BICC1: variants seen among roughly 807,000 people sequenced by gnomAD.
The protein encoded by BICC1 is BicC family RNA binding protein 1.
In BICC1, 43 loss-of-function variants were observed where a neutral mutation model predicts 111.0. The observed-to-expected ratio is 0.39, with a 90% confidence interval of 0.30 to 0.50. The LOEUF is 0.50. BICC1 is among the 20% of genes least tolerant of loss of function. The pLI is 0.88. For synonymous variants in BICC1, 467 were observed against 434.4 expected (o/e 1.07, Z -0.93); for missense variants, 1,091 against 1,203.2 (o/e 0.91, Z 1.38).
Position 58,806,605 on chromosome 10 carries a change from A to T in BICC1, c.2203A>T (p.Lys735Ter). The T allele has an allele frequency of 6.2e-7, 1 of 1,612,616 alleles. No homozygotes were observed. Among genetic ancestry groups the T allele is most frequent in the Non-Finnish European group, 8.5e-7 (1 of 1,178,806 alleles). ...TCAGGCATTTGACTATGAACAGAAGAAGCTATTAGCCACCAAAGGTATGTA... is the reference window on the plus strand; with the variant it reads ...TCAGGCATTTGACTATGAACAGAAGTAGCTATTAGCCACCAAAGGTATGTA... ...NMQAFDYEQK[K>*]LLATKAMLKK... The change falls in exon 16 of 21, where the codon AAG becomes TAG. Residue 735 changes from lysine to a stop codon, truncating the protein, a stop_gained. Transcript: ENST00000373886. LOFTEE classifies it high-confidence loss of function.
At position 58,598,753 on chromosome 10, in the gene BICC1, A is replaced by G. The variant is rs186653319; in HGVS notation, c.191-22102A>G. On this transcript the variant is annotated intron_variant, in intron 1 of 20. Coordinates refer to ENST00000373886, the MANE Select transcript of BICC1 (RefSeq NM_001080512.3). ...GAATGGGAGAAAATTTTTACACTCT[A>G]TGCATTGACAAAGGGCTAATACTCA... Among the ~76,000 whole-genome samples, 730 of 152,274 alleles carry G rather than the reference A, an allele frequency of 4.8e-3. 3 individuals are homozygous for G. The highest frequency in any genetic ancestry group is 4.9e-3 in the Non-Finnish European group (336 of 68,014).
intron 2 of BICC1, among the ~76,000 whole-genome samples, chr10:58,637,830 T>C (rs1036775466): frequency 9.2e-5 from 14 of 152,148 alleles, no homozygotes; most frequent in African/African-American, 3.4e-4. Context: ...GCATAACTTA[T>C]AAATTGGGAC....
intron 2 of BICC1, among the ~76,000 whole-genome samples, chr10:58,647,334 AT>A (rs1838300097): frequency 1.3e-5 from 2 of 152,246 alleles, no homozygotes; most frequent in Non-Finnish European, 2.9e-5. Context: ...AATTTAGTTC[AT>A]AAAACATTGA....
chr10:58,775,102 G>A (rs1465924006), intron 3 of BICC1, among the ~76,000 whole-genome samples: 1 of 152,194 alleles, frequency 6.6e-6, no homozygotes, highest in Non-Finnish European at 1.5e-5. Context: ...GCTGGGTGCG[G>A]TGGCTCATGC....
At chr10:58,576,042 C>T (rs1844101983) in intron 1 of BICC1, among the ~76,000 whole-genome samples, 1 of 152,056 alleles carries the variant, frequency 6.6e-6, no homozygotes, top group Non-Finnish European at 1.5e-5. Flanking sequence ...TTTATTTTCT[C>T]ACTTTATGTG....
chr10:58,823,052 C>CT (rs1844298068), intron 20 of BICC1, among the ~76,000 whole-genome samples: 1 of 148,300 alleles, frequency 6.7e-6, no homozygotes, highest in Admixed American at 6.7e-5. Flanking sequence ...AATTTGATCT[C>CT]TTTTTCCCCA....
At chr10:58,703,973 A>G (rs1840315699) in intron 3 of BICC1, among the ~76,000 whole-genome samples, 2 of 152,162 alleles carry the variant, frequency 1.3e-5, no homozygotes, top group South Asian at 2.1e-4. Context: ...TGAGAAACTG[A>G]GAACTGATTA....
chr10:58,818,387 C>G, intron 19 of BICC1, among the ~76,000 whole-genome samples: 1 of 152,116 alleles, frequency 6.6e-6, no homozygotes, highest in East Asian at 1.9e-4. Flanking sequence ...TGGGGCACAG[C>G]TAACTCAAAG....
intron 2 of BICC1, among the ~76,000 whole-genome samples, chr10:58,643,387 G>A (rs1588964198): frequency 6.6e-6 from 1 of 152,150 alleles, no homozygotes; most frequent in African/African-American, 2.4e-5. Context: ...AATTTCCCAG[G>A]TATTCTCTGA....
intron 2 of BICC1, among the ~76,000 whole-genome samples, chr10:58,663,077 T>C (rs1240064220): frequency 6.8e-6 from 1 of 147,798 alleles, no homozygotes; most frequent in African/African-American, 2.5e-5. Flanking sequence ...TTTTTTTTTT[T>C]TTTTTTTGAG....
intron 1 of BICC1, among the ~76,000 whole-genome samples, chr10:58,549,684 T>C (rs1843241604): frequency 1.3e-5 from 2 of 150,046 alleles, no homozygotes; most frequent in South Asian, 4.2e-4. Context: ...TGTTTGTTTG[T>C]TTTTTTCTTT....
intron 3 of BICC1, among the ~76,000 whole-genome samples, chr10:58,727,592 CA>C: frequency 6.9e-6 from 1 of 143,916 alleles, no homozygotes; most frequent in South Asian, 2.2e-4. Flanking sequence ...GTCTCAACAA[CA>C]AAAAAAAGGT....
chr10:58,545,335 A>T (rs1843109456), intron 1 of BICC1, among the ~76,000 whole-genome samples: 1 of 152,176 alleles, frequency 6.6e-6, no homozygotes, highest in Admixed American at 6.6e-5. Context: ...AAGTTTGCAA[A>T]ATTAAGAAAT....
rs1588966598 is a variant in BICC1, at chr10:58,645,329, C to T, written c.237+24428C>T. The stretch of plus-strand genomic sequence containing the variant: ...GAGGCTGAGGCAGGAGAATGGTGAA[C>T]CCGGGAGGCGGAGCTTGCAGTGAGC... On this transcript the variant is annotated intron_variant, in intron 2 of 20. Transcript: ENST00000373886. Among the ~76,000 whole-genome samples, 3 of 137,320 alleles carry T rather than the reference C, an allele frequency of 2.2e-5. No homozygotes were observed. The Admixed American group carries it at 2.5e-4, about 12-fold the overall frequency. 90.1% of individuals were successfully genotyped at this position (137,320 alleles called of 152,430 possible).
intron 3 of BICC1, among the ~76,000 whole-genome samples, chr10:58,719,110 A>T (rs939549736): frequency 3.9e-5 from 6 of 152,124 alleles, no homozygotes; most frequent in Non-Finnish European, 7.4e-5. Flanking sequence ...AAAAGTATTT[A>T]ATTTTTGGTA....
chr10:58,738,445 ATATCT>A (rs1841546965), intron 3 of BICC1, among the ~76,000 whole-genome samples: 1 of 152,058 alleles, frequency 6.6e-6, no homozygotes, highest in Admixed American at 6.6e-5. Context: ...CCATTGGTCT[ATATCT>A]CTGTGTTGGT....
intron 3 of BICC1, among the ~76,000 whole-genome samples, chr10:58,718,674 C>T (rs968911506): frequency 2.0e-5 from 3 of 151,830 alleles, no homozygotes; most frequent in African/African-American, 4.8e-5. Context: ...TATGTATTAA[C>T]ATTAAGGCCA....
intron 3 of BICC1, among the ~76,000 whole-genome samples, chr10:58,724,230 T>C (rs942955981): frequency 9.2e-5 from 14 of 152,244 alleles, no homozygotes; most frequent in Non-Finnish European, 1.9e-4. Context: ...GCATCCATGA[T>C]TCTTAGATGT....
intron 2 of BICC1, among the ~76,000 whole-genome samples, chr10:58,636,421 G>T (rs1313405194): frequency 6.6e-6 from 1 of 152,126 alleles, no homozygotes; most frequent in Non-Finnish European, 1.5e-5. Flanking sequence ...GTGCTATCTT[G>T]TCCCATCCTC....
Sources: gnomAD v4.1 joint callset for allele counts (sites outside exome capture counted in the v4.1 genomes callset) on GRCh38, gnomAD v4.1.1 for gene constraint, MANE v1.5 for transcripts, NCBI Gene and HGNC (gene_info 2026-07-23, HGNC 2026-07-21) for gene names.